Variants in FRMD7 observed in about 807,000 individuals in gnomAD.
FRMD7 encodes the protein FERM domain containing 7, also known as FERM domain-containing protein 7.
A neutral mutation model predicts 44.1 loss-of-function variants in FRMD7; 14 were observed. The ratio of observed to expected loss-of-function variants is 0.32; its 90% CI spans 0.21 to 0.50. FRMD7 has a LOEUF of 0.50. Ranked by LOEUF, FRMD7 falls within the 20% of genes least tolerant of loss-of-function variation. The pLI, the probability that FRMD7 is intolerant of heterozygous loss-of-function variation, is 0.99. For synonymous variants in FRMD7, 212 were observed against 187.4 expected (o/e 1.13, Z -1.07); for missense variants, 501 against 522.3 (o/e 0.96, Z 0.40).
Position 132,077,612 on chromosome X carries a change from A to C in FRMD7, c.*260T>G, listed in dbSNP as rs1289891091. The C allele has an allele frequency of 2.3e-5, 9 of 384,406 alleles. No individual in the cohort carries two copies. Among genetic ancestry groups the C allele is most frequent in the Non-Finnish European group, 3.2e-5 (7 of 219,511 alleles). 31.7% of individuals were successfully genotyped at this position (384,406 alleles called of 1,213,427 possible). On this transcript the variant is annotated 3_prime_UTR_variant, in exon 12 of 12. Coordinates refer to ENST00000298542, the MANE Select transcript of FRMD7 (RefSeq NM_194277.3). ...GTCTCTATGAGGAAGTATGCAGTGGAGATGACAAATACCCACCTTGCCTTG... is the reference window on the plus strand; with the variant it reads ...GTCTCTATGAGGAAGTATGCAGTGGCGATGACAAATACCCACCTTGCCTTG...
chrX:132,104,577 C>T (rs1928596130), intron 1 of FRMD7, among the ~76,000 whole-genome samples: 1 of 111,265 alleles, frequency 9.0e-6, no homozygotes, highest in African/African-American at 3.3e-5. Flanking sequence ...CCTGTAGTCC[C>T]AGCTACTCGG....
At chrX:132,111,558 T>C (rs1215701221) in intron 1 of FRMD7, among the ~76,000 whole-genome samples, 2 of 112,272 alleles carry the variant, frequency 1.8e-5, no homozygotes, top group Non-Finnish European at 3.8e-5. Context: ...GTTCCATCTA[T>C]AATAGTATAA....
At chrX:132,103,206 T>C in intron 1 of FRMD7, among the ~76,000 whole-genome samples, 1 of 112,131 alleles carries the variant, frequency 8.9e-6, no homozygotes, top group East Asian at 2.8e-4. Context: ...CTTTAATTTT[T>C]TCTACCATTA....
In FRMD7 at chrX:132,117,001, T is replaced by C. The variant is rs1348506899; in HGVS notation, c.57+10787A>G. On this transcript the variant is annotated intron_variant, in intron 1 of 11. Transcript: ENST00000298542. ...TGCACCACTCACTGTTCTGTGACTT[T>C]GGGAAAGTTACTTCACCTCTTTCCA... Among the ~76,000 whole-genome samples the C allele has an allele frequency of 3.6e-5, 4 of 111,954 alleles. No individual in the cohort carries two copies. The East Asian group carries it at 1.1e-3, about 31-fold the overall frequency.
At chrX:132,098,650 T>C (rs1450095093) in intron 3 of FRMD7, among the ~76,000 whole-genome samples, 2 of 106,956 alleles carry the variant, frequency 1.9e-5, no homozygotes, top group Non-Finnish European at 3.9e-5. Flanking sequence ...AAAGTCCTGA[T>C]AGAAATCCGC....
At chrX:132,118,947 C>G (rs972030690) in intron 1 of FRMD7, among the ~76,000 whole-genome samples, 20 of 111,300 alleles carry the variant, frequency 1.8e-4, no homozygotes, top group Non-Finnish European at 3.0e-4. Flanking sequence ...TTAGAAAAAC[C>G]TTGCCTGTCC....
intron 4 of FRMD7, 83 bp downstream of exon 4, chrX:132,097,183 G>C (rs1569344360): frequency 4.1e-6 from 3 of 730,247 alleles, no homozygotes; most frequent in Non-Finnish European, 6.6e-6. Flanking sequence ...TTGTGAGAAT[G>C]GCCAGAAGCA....
chrX:132,095,197 C>T (rs1602812756), intron 4 of FRMD7, among the ~76,000 whole-genome samples: 1 of 108,715 alleles, frequency 9.2e-6, no homozygotes, highest in African/African-American at 3.4e-5. Flanking sequence ...GGGGTTCAAG[C>T]GATCCTCCTG....
intron 1 of FRMD7, among the ~76,000 whole-genome samples, chrX:132,110,121 G>A (rs6637942): frequency 0.13 from 14,378 of 110,982 alleles, 814 homozygotes; most frequent in African/African-American, 0.22. Flanking sequence ...TGGGGATCTT[G>A]TTAAAATGCA....
chrX:132,110,567 C>G (rs994113512), intron 1 of FRMD7, among the ~76,000 whole-genome samples: 11 of 111,538 alleles, frequency 9.9e-5, no homozygotes, highest in African/African-American at 3.6e-4. Flanking sequence ...CTTTATGCAT[C>G]ACTTTGCTCA....
At chrX:132,086,661 G>GAAAA (rs768288026) in intron 5 of FRMD7, among the ~76,000 whole-genome samples, 15 of 93,697 alleles carry the variant, frequency 1.6e-4, no homozygotes, top group African/African-American at 5.4e-4. Context: ...AAGGCCTCAG[G>GAAAA]AAAAAAAAAA....
At position 132,077,574 on chromosome X, in the gene FRMD7, C is replaced by T. The variant is rs1927642302; in HGVS notation, c.*298G>A. On this transcript the variant is annotated 3_prime_UTR_variant, in exon 12 of 12. Transcript: ENST00000298542. ...ATTCTTCAGCATTGAAGAGCCTGAC[C>T]TTCACTCACAATGTCTCTATGAGGA... is the stretch of plus-strand genomic sequence containing the variant. The T allele has an allele frequency of 3.2e-6, 1 of 311,796 alleles. No individual in the cohort carries two copies. The highest frequency in any genetic ancestry group is 5.2e-5 in the Admixed American group (1 of 19,305). The allele number at this position is 311,796 out of a possible 1,213,427, so 25.7% of individuals were successfully genotyped here.
At chrX:132,123,815 G>T (rs1432057327) in intron 1 of FRMD7, among the ~76,000 whole-genome samples, 1 of 112,508 alleles carries the variant, frequency 8.9e-6, no homozygotes. Context: ...AAATGTGAAA[G>T]TAGAGATGTT....
At chrX:132,084,665 G>A (rs945648502) in intron 7 of FRMD7, 80 bp from the exon 8 acceptor site, 3 of 603,293 alleles carry the variant, frequency 5.0e-6, no homozygotes, top group Non-Finnish European at 8.6e-6. Flanking sequence ...GATAGAAAAT[G>A]CACTTAATGA....
intron 2 of FRMD7, 39 bp from the exon 3 acceptor site, chrX:132,099,549 A>C (rs1433540460): frequency 9.4e-7 from 1 of 1,059,130 alleles, no homozygotes; most frequent in Non-Finnish European, 1.3e-6. Flanking sequence ...AGAGCATGGC[A>C]TTGAGCAGAG....
At chrX:132,091,521 C>A (rs772315296) in intron 5 of FRMD7, among the ~76,000 whole-genome samples, 2 of 111,523 alleles carry the variant, frequency 1.8e-5, no homozygotes, top group Admixed American at 1.9e-4. Flanking sequence ...ACCCTGTCCA[C>A]CTTATTTAAA....
chrX:132,080,603 C>T (rs954916103), intron 9 of FRMD7, among the ~76,000 whole-genome samples: 3 of 111,330 alleles, frequency 2.7e-5, no homozygotes, highest in Non-Finnish European at 5.7e-5. Flanking sequence ...GACTCGAGCC[C>T]AGGAGTTTGA....
At chrX:132,102,367 T>C (rs886778199) in intron 1 of FRMD7, among the ~76,000 whole-genome samples, 1 of 111,788 alleles carries the variant, frequency 8.9e-6, no homozygotes, top group African/African-American at 3.3e-5. Flanking sequence ...ACAGAGCTGC[T>C]CTACCAAGGG....
At chrX:132,085,281 T>A in intron 7 of FRMD7, among the ~76,000 whole-genome samples, 1 of 111,844 alleles carries the variant, frequency 8.9e-6, no homozygotes. Context: ...CAACAGGTAA[T>A]CTATTCGCGT....
Sources: gnomAD v4.1 joint callset for allele counts (sites outside exome capture counted in the v4.1 genomes callset) on GRCh38, gnomAD v4.1.1 for gene constraint, MANE v1.5 for transcripts, NCBI Gene and HGNC (gene_info 2026-07-23, HGNC 2026-07-21) for gene names.